USP25: variants seen among roughly 807,000 people sequenced by gnomAD.
The protein encoded by USP25 is ubiquitin carboxyl-terminal hydrolase 25.
A neutral mutation model predicts 158.5 loss-of-function variants in USP25; 85 were observed. The ratio of observed to expected loss-of-function variants is 0.54; its 90% CI spans 0.45 to 0.64. The LOEUF is 0.64. USP25 is among the 30% of genes least tolerant of loss of function. USP25 has a pLI of 0.00. For missense variants in USP25, 1,242 were observed against 1,327.3 expected, an observed-to-expected ratio of 0.94 and a Z score of 1.00; for synonymous variants, 464 against 460.4, an observed-to-expected ratio of 1.01 and a Z score of -0.10.
intron 17 of USP25, among the ~76,000 whole-genome samples, chr21:15,836,134 A>G (rs912723169): frequency 1.3e-5 from 2 of 152,166 alleles, no homozygotes; most frequent in Admixed American, 6.5e-5. Flanking sequence ...ACCAGTGACT[A>G]GTGGAAATAA....
intron 1 of USP25, among the ~76,000 whole-genome samples, chr21:15,758,962 T>A (rs1351588652): frequency 1.3e-5 from 2 of 152,192 alleles, no homozygotes; most frequent in Admixed American, 6.5e-5. Flanking sequence ...CAGCCATTTT[T>A]AAATTTTTAT....
chr21:15,869,133 A>T (rs1568913451), intron 22 of USP25, among the ~76,000 whole-genome samples: 1 of 152,046 alleles, frequency 6.6e-6, no homozygotes, highest in African/African-American at 2.4e-5. Flanking sequence ...CTGTAATTCA[A>T]GCTACTTGGG....
intron 20 of USP25, among the ~76,000 whole-genome samples, chr21:15,860,331 T>C (rs2039371336): frequency 6.6e-6 from 1 of 152,108 alleles, no homozygotes; most frequent in South Asian, 2.1e-4. Flanking sequence ...TTTTCCTATT[T>C]TTTAGTAGAG....
Position 15,805,180 on chromosome 21 carries a change from TACCAAAA to T in USP25, c.703_709del (p.Thr235GlyfsTer27). On this transcript the variant is annotated frameshift_variant, in exon 7 of 26. Transcript: ENST00000400183. LOFTEE classifies it high-confidence loss of function. ...GGTATCTATTTGCACTTCTTGTTGG[TACCAAAA>T]GGAAGTATGTTGATCCATCAAGAGC... 6.2e-7 allele frequency: 1 copy of T among 1,610,014 alleles called. No individual in the cohort carries two copies. The highest frequency in any genetic ancestry group is 8.5e-7 in the Non-Finnish European group (1 of 1,178,384).
chr21:15,734,222 T>A (rs1042497327), intron 1 of USP25, among the ~76,000 whole-genome samples: 4 of 152,204 alleles, frequency 2.6e-5, no homozygotes, highest in African/African-American at 9.6e-5. Flanking sequence ...TGTCATAGAT[T>A]AGCCAAGTTC....
intron 1 of USP25, among the ~76,000 whole-genome samples, chr21:15,742,668 C>T (rs1429555437): frequency 6.6e-6 from 1 of 152,142 alleles, no homozygotes; most frequent in Non-Finnish European, 1.5e-5. Context: ...AGAAATGGTC[C>T]ACTACCTGAG....
intron 5 of USP25, among the ~76,000 whole-genome samples, chr21:15,792,841 T>C (rs904170215): frequency 6.6e-6 from 1 of 151,664 alleles, no homozygotes; most frequent in Non-Finnish European, 1.5e-5. Context: ...TGCTATGTTA[T>C]TGGCTTTCCC....
At position 15,842,489 on chromosome 21, in the gene USP25, C is replaced by G; in HGVS notation, c.2286C>G (p.Thr762=). ...HLKEETIQII[T]KASHEHEDKS... ...AAGAAGAAACTATTCAAATAATTAC[C>G]AAGGCATCACATGAGCATGAAGATA... Residue 762 remains threonine (T), a synonymous_variant, in exon 18 of 26, where the codon ACC becomes ACG. Coordinates refer to ENST00000400183, the MANE Select transcript of USP25 (RefSeq NM_001283041.3). The G allele has an allele frequency of 6.2e-7, 1 of 1,613,678 alleles. No individual in the cohort carries two copies. Among genetic ancestry groups the G allele is most frequent in the Non-Finnish European group, 8.5e-7 (1 of 1,179,736 alleles).
At chr21:15,844,919 A>G (rs1295577459) in intron 18 of USP25, among the ~76,000 whole-genome samples, 24 of 152,194 alleles carry the variant, frequency 1.6e-4, no homozygotes, top group Admixed American at 1.6e-3. Flanking sequence ...GTGGCTGAGT[A>G]TTATTCCATT....
rs1423969561 is a variant in USP25 at position 15,826,699 on chromosome 21, A to G, written c.1467-278A>G. 1.3e-5 allele frequency among the ~76,000 whole-genome samples: 2 copies of G among 152,208 alleles called. No homozygotes were observed. The highest frequency in any genetic ancestry group is 4.8e-5 in the African/African-American group (2 of 41,462). On this transcript the variant is annotated intron_variant, in intron 13 of 25. Coordinates refer to ENST00000400183, the MANE Select transcript of USP25 (RefSeq NM_001283041.3). The surrounding 1 kb of genome is among the most constrained non-coding windows in gnomAD (Gnocchi z 4.8). The stretch of plus-strand genomic sequence containing the variant: ...GAATTTGTTTCTGTAATGTAAGCTG[A>G]TAAGCCAGGGAAAATAATATCACCA...
chr21:15,874,920 A>G (rs1474302196), intron 24 of USP25, among the ~76,000 whole-genome samples: 1 of 152,184 alleles, frequency 6.6e-6, no homozygotes, highest in Non-Finnish European at 1.5e-5. Context: ...TAATCCTAGC[A>G]CTTTGGAAGG....
Position 15,866,247 on chromosome 21 carries a change from G to T in USP25, c.2727-19G>T. On this transcript the variant is annotated intron_variant, in intron 21 of 25. Coordinates refer to ENST00000400183, the MANE Select transcript of USP25 (RefSeq NM_001283041.3). ...CACACACATACACACACGCTCATAT[G>T]TATGTGTTTTTTTTTAAGGTGTCAC... The T allele has an allele frequency of 1.3e-6, 2 of 1,575,376 alleles. No individual in the cohort carries two copies. Among genetic ancestry groups the T allele is most frequent in the South Asian group, 2.3e-5 (2 of 86,588 alleles).
chr21:15,742,052 G>A (rs1027765673), intron 1 of USP25, among the ~76,000 whole-genome samples: 8 of 151,916 alleles, frequency 5.3e-5, no homozygotes, highest in Non-Finnish European at 1.0e-4. Flanking sequence ...GCAGGGGTGG[G>A]ATGAACTGTG....
intron 17 of USP25, among the ~76,000 whole-genome samples, chr21:15,840,487 A>G (rs190939755): frequency 3.9e-5 from 6 of 152,220 alleles, no homozygotes; most frequent in East Asian, 3.9e-4. Context: ...TTTGTTTCCA[A>G]TCTCCCAGGG....
In USP25 at chr21:15,827,765, CGTGTGTGTGTGTGT is replaced by C. The variant is rs34923569; in HGVS notation, c.1693+589_1693+602del. ...GGGTGTGTGCACTTGTGTGCGTGTG[CGTGTGTGTGTGTGT>C]GTGTGTGTGTGTGTGTGTGTGTGTG... On this transcript the variant is annotated intron_variant, in intron 14 of 25. Transcript: ENST00000400183. 2.8e-3 allele frequency among the ~76,000 whole-genome samples: 381 copies of C among 136,910 alleles called. 3 individuals carry two copies. The highest frequency in any genetic ancestry group is 0.011 in the Middle Eastern group (3 of 266). The allele number at this position is 136,910 out of a possible 152,430, so 89.8% of individuals were successfully genotyped here.
chr21:15,818,661 C>T lies in USP25; in HGVS notation c.932-37C>T, dbSNP rs145955293. The T allele has an allele frequency of 4.5e-6, 7 of 1,567,566 alleles. No individual in the cohort carries two copies. In the East Asian group the frequency reaches 1.1e-4, roughly 25 times the overall value. ...ACTCTTAATTTTAGTAGCCAGAAGG[C>T]CATATTGAGTATTATTAATTTTCTC... is the stretch of plus-strand genomic sequence containing the variant. On this transcript the variant is annotated intron_variant, in intron 9 of 25. Transcript: ENST00000400183.
At chr21:15,855,292 G>A (rs547732097) in intron 20 of USP25, among the ~76,000 whole-genome samples, 1 of 151,876 alleles carries the variant, frequency 6.6e-6, no homozygotes, top group South Asian at 2.1e-4. Context: ...CCTACTTGCC[G>A]TAACTTTATC....
At chr21:15,736,221 C>T (rs1380040964) in intron 1 of USP25, among the ~76,000 whole-genome samples, 1 of 152,030 alleles carries the variant, frequency 6.6e-6, no homozygotes, top group Admixed American at 6.6e-5. Context: ...CCTCAGCCTT[C>T]TGAGTAGCTG....
intron 20 of USP25, among the ~76,000 whole-genome samples, chr21:15,853,828 A>G (rs2039007848): frequency 6.6e-6 from 1 of 152,130 alleles, no homozygotes; most frequent in African/African-American, 2.4e-5. Flanking sequence ...TAGCGTTGGA[A>G]TGATCTGTTC....
Sources: gnomAD v4.1 joint callset for allele counts (sites outside exome capture counted in the v4.1 genomes callset) on GRCh38, gnomAD v4.1.1 for gene constraint, Gnocchi (gnomAD v3.1) non-coding constraint, MANE v1.5 for transcripts, NCBI Gene and HGNC (gene_info 2026-07-23, HGNC 2026-07-21) for gene names.